VWF: variants seen among roughly 807,000 people sequenced by gnomAD.
The protein encoded by VWF is von Willebrand factor, also known as Factor VIII related antigen.
In VWF, 176 loss-of-function variants were observed where a neutral mutation model predicts 308.6. The ratio of observed to expected loss-of-function variants is 0.57; its 90% confidence interval spans 0.50 to 0.65. The LOEUF (loss-of-function observed/expected upper bound fraction) is 0.65, where lower values mean the gene tolerates loss of function less well. Ranked by LOEUF, VWF falls within the 30% of genes least tolerant of loss-of-function variation. The pLI, the probability that VWF is intolerant of heterozygous loss-of-function variation, is 0.00. For synonymous variants in VWF, 1,385 were observed against 1,443.4 expected (o/e 0.96, Z 0.92); for missense variants, 3,146 against 3,648.2 (o/e 0.86, Z 3.55).
At chr12:5,975,611 C>T (rs1313183188) in intron 43 of VWF, among the ~76,000 whole-genome samples, 6 of 152,234 alleles carry the variant, frequency 3.9e-5, no homozygotes, top group Non-Finnish European at 7.4e-5. Flanking sequence ...GAAACAAGGA[C>T]GATCCTAGAA....
intron 42 of VWF, among the ~76,000 whole-genome samples, chr12:5,978,474 A>G (rs1241643372): frequency 6.6e-6 from 1 of 152,176 alleles, no homozygotes; most frequent in Non-Finnish European, 1.5e-5. Context: ...CATGTTGGCC[A>G]GCTGGTCTTG....
intron 38 of VWF, among the ~76,000 whole-genome samples, chr12:5,990,349 T>C (rs1014445210): frequency 5.9e-5 from 9 of 152,142 alleles, no homozygotes; most frequent in Non-Finnish European, 1.2e-4. Flanking sequence ...ATCCATTCAA[T>C]AGGATGTGCG....
At chr12:6,038,936 A>G (rs1003967672) in intron 18 of VWF, among the ~76,000 whole-genome samples, 14 of 152,200 alleles carry the variant, frequency 9.2e-5, no homozygotes, top group Non-Finnish European at 2.1e-4. Flanking sequence ...AGAGAATCCC[A>G]AAGTGGCAAA....
intron 27 of VWF, chr12:6,021,647 G>A (rs552533590): frequency 4.2e-6 from 2 of 481,418 alleles, no homozygotes; most frequent in Non-Finnish European, 7.3e-6. Flanking sequence ...AACCTATTAA[G>A]AGCAAAAACA....
intron 3 of VWF, among the ~76,000 whole-genome samples, chr12:6,117,158 T>C (rs1428447486): frequency 6.6e-6 from 1 of 152,224 alleles, no homozygotes; most frequent in Non-Finnish European, 1.5e-5. Context: ...GTTTGATCCA[T>C]AACCTTGTTT....
intron 13 of VWF, among the ~76,000 whole-genome samples, chr12:6,059,692 G>A (rs149776955): frequency 2.6e-5 from 4 of 152,200 alleles, no homozygotes; most frequent in African/African-American, 4.8e-5. Context: ...GCCCCACCTC[G>A]TAACACCATC....
In VWF at chr12:6,022,035, C is replaced by T. The variant is rs780855722; in HGVS notation, c.3539G>A (p.Gly1180Glu). 1.2e-6 allele frequency: 2 copies of T among 1,614,124 alleles called. No individual in the cohort carries two copies. The highest frequency in any genetic ancestry group is 2.2e-5 in the South Asian group (2 of 91,072). ...VEGCHAHCPPGKILDELLQTC... is the reference protein window; with the variant it reads ...VEGCHAHCPPEKILDELLQTC... Reference sequence around the variant, plus strand: ...CTGCAAAAGCTCATCCAGGATTTTCCCTGCAAAAGAAAGCTCTCATTAGGA... The same window carrying T: ...CTGCAAAAGCTCATCCAGGATTTTCTCTGCAAAAGAAAGCTCTCATTAGGA... Residue 1180 changes from glycine (G) to glutamate (E), a missense_variant and splice_region_variant, in exon 27 of 52, where the codon GGG (glycine) becomes GAG (glutamate). By Grantham distance (98) the Gly-to-Glu change is moderately conservative (BLOSUM62 -2). This residue lies in a region of VWF where 853 missense variants were observed against 1,177.8 expected (regional missense o/e 0.72). Transcript: ENST00000261405.
chr12:5,978,791 A>G (rs1267797671), intron 42 of VWF, among the ~76,000 whole-genome samples: 1 of 152,222 alleles, frequency 6.6e-6, no homozygotes, highest in Non-Finnish European at 1.5e-5. Flanking sequence ...CCAGAGCCAT[A>G]AATATTCTTG....
At chr12:6,087,393 C>G (rs572218819) in intron 6 of VWF, among the ~76,000 whole-genome samples, 96 of 148,758 alleles carry the variant, frequency 6.5e-4, no homozygotes, top group African/African-American at 2.3e-3. Flanking sequence ...GAGTCTCACC[C>G]TGTCGCCCAG....
chr12:6,005,771 T>A (rs1013375012), intron 34 of VWF, among the ~76,000 whole-genome samples: 1 of 152,152 alleles, frequency 6.6e-6, no homozygotes. Flanking sequence ...CAAAACTGTC[T>A]TTCAAAAATA....
Position 6,075,244 on chromosome 12 carries a change from C to A in VWF, c.874+91G>T. On this transcript the variant is annotated intron_variant, in intron 7 of 51. Coordinates refer to ENST00000261405, the MANE Select transcript of VWF (RefSeq NM_000552.5). This position sits in a 1 kb window ranked among gnomAD's most constrained non-coding sequence, Gnocchi z 4.7. ...GCTGGGTGTGGTAAAGCCGCACATA[C>A]GTGACACAGCCCCGAAGCACCCTAA... 8 of 1,524,106 alleles carry A rather than the reference C, an allele frequency of 5.2e-6. No individual in the cohort carries two copies. Among genetic ancestry groups the A allele is most frequent in the Non-Finnish European group, 6.3e-6 (7 of 1,108,934 alleles). 94.4% of individuals were successfully genotyped at this position (1,524,106 alleles called of 1,614,324 possible). A position where few individuals can be genotyped will look rare whatever the true frequency, so the allele number is the denominator to read the frequency against.
chr12:5,970,471 C>T (rs1242304117), intron 44 of VWF, among the ~76,000 whole-genome samples: 1 of 152,076 alleles, frequency 6.6e-6, no homozygotes, highest in Non-Finnish European at 1.5e-5. Flanking sequence ...GCTCTCAGCC[C>T]CACCAGGATG....
At chr12:5,986,112 C>T (rs921460845) in intron 38 of VWF, among the ~76,000 whole-genome samples, 1 of 152,054 alleles carries the variant, frequency 6.6e-6, no homozygotes, top group African/African-American at 2.4e-5. Flanking sequence ...TCTTGATGCC[C>T]GCAGTGACTT....
In VWF at chr12:6,049,332, C is replaced by T. The variant is rs186949547; in HGVS notation, c.2187-2515G>A. 2.6e-4 allele frequency among the ~76,000 whole-genome samples: 39 copies of T among 152,288 alleles called. 1 individual carries two copies. Among genetic ancestry groups the T allele is most frequent in the African/African-American group, 9.1e-4 (38 of 41,560 alleles). On this transcript the variant is annotated intron_variant, in intron 16 of 51. Coordinates refer to ENST00000261405, the MANE Select transcript of VWF (RefSeq NM_000552.5). Reference sequence around the variant, plus strand: ...GTGCCTAAAAGAGAGACAAGGAGGACGCAGACATGGAGAGGTCGCTGATGT... The same window carrying T: ...GTGCCTAAAAGAGAGACAAGGAGGATGCAGACATGGAGAGGTCGCTGATGT...
chr12:5,974,931 G>T (rs1437299561), intron 43 of VWF, among the ~76,000 whole-genome samples: 1 of 152,188 alleles, frequency 6.6e-6, no homozygotes, highest in Non-Finnish European at 1.5e-5. Flanking sequence ...ACTCCCCACT[G>T]AAACACGAAA....
chr12:6,102,177 C>T (rs960803791), intron 5 of VWF, among the ~76,000 whole-genome samples: 4 of 152,254 alleles, frequency 2.6e-5, no homozygotes, highest in Non-Finnish European at 5.9e-5. Context: ...CAAGGTGGCT[C>T]ACACCTGTAA....
At chr12:5,968,647 T>G (rs549703407) in intron 45 of VWF, among the ~76,000 whole-genome samples, 36 of 151,878 alleles carry the variant, frequency 2.4e-4, no homozygotes, top group Non-Finnish European at 3.8e-4. Context: ...AATACAAAAA[T>G]TAGCCGAGTG....
intron 20 of VWF, 79 bp downstream of exon 20, chr12:6,034,609 A>G (rs1476752672): frequency 4.4e-6 from 7 of 1,607,104 alleles, no homozygotes; most frequent in Non-Finnish European, 5.1e-6. Context: ...AGACAGATCC[A>G]CAGAACCCAA....
intron 6 of VWF, among the ~76,000 whole-genome samples, chr12:6,092,251 C>A (rs1455518819): frequency 2.0e-5 from 3 of 152,178 alleles, no homozygotes; most frequent in Non-Finnish European, 4.4e-5. Context: ...AACACCCCTC[C>A]TTATACCCTC....
Sources: allele counts gnomAD v4.1 joint callset (sites outside exome capture counted in the v4.1 genomes callset), GRCh38; gene constraint gnomAD v4.1.1; regional missense constraint gnomAD v4.1.1; non-coding constraint Gnocchi (gnomAD v3.1); transcripts MANE v1.5; gene names NCBI Gene and HGNC (gene_info 2026-07-23, HGNC 2026-07-21).